Variants in ANKS1B observed in about 807,000 individuals in gnomAD.
The protein encoded by ANKS1B is ankyrin repeat and sterile alpha motif domain containing 1B, also known as ankyrin repeat and sterile alpha motif domain-containing protein 1B.
ANKS1B carries 36 observed loss-of-function variants against 148.3 expected under a neutral mutation model. The observed-to-expected ratio is 0.24, with a 90% CI of 0.19 to 0.32. ANKS1B has a LOEUF of 0.32. ANKS1B is among the 10% of genes least tolerant of loss of function. The pLI is 1.00. For missense variants in ANKS1B, 1,157 were observed against 1,542.6 expected, an observed-to-expected ratio of 0.75 and a Z score of 4.19; for synonymous variants, 542 against 560.8, an observed-to-expected ratio of 0.97 and a Z score of 0.47.
intron 10 of ANKS1B, among the ~76,000 whole-genome samples, chr12:99,466,056 A>G (rs2096105591): frequency 6.6e-6 from 1 of 152,214 alleles, no homozygotes; most frequent in Admixed American, 6.5e-5. Flanking sequence ...CTCCTCAGCA[A>G]ATGTAAAAAA....
At position 99,330,809 on chromosome 12, in the gene ANKS1B, C is replaced by G. The variant is rs974797732; in HGVS notation, c.1756+68822G>C. ...GCTCTAAACCCATCTAATGTGCTAG[C>G]TTATAACTAACAGAAAAATTGGGTC... On this transcript the variant is annotated intron_variant, in intron 12 of 26. Transcript: ENST00000683438. Among the ~76,000 whole-genome samples the G allele has an allele frequency of 1.2e-4, 18 of 152,004 alleles. 1 individual carries two copies. Among genetic ancestry groups the G allele is most frequent in the African/African-American group, 4.3e-4 (18 of 41,496 alleles).
intron 10 of ANKS1B, among the ~76,000 whole-genome samples, chr12:99,459,124 T>A (rs907482428): frequency 6.6e-6 from 1 of 152,110 alleles, no homozygotes; most frequent in African/African-American, 2.4e-5. Flanking sequence ...AATCAATAAA[T>A]GTGATACACC....
chr12:99,206,841 T>C (rs749096522), intron 14 of ANKS1B, among the ~76,000 whole-genome samples: 2 of 152,200 alleles, frequency 1.3e-5, no homozygotes, highest in Non-Finnish European at 2.9e-5. Flanking sequence ...AGCTGGCTAT[T>C]TGGAAACTTT....
At chr12:99,446,588 G>A (rs757967970) in intron 10 of ANKS1B, among the ~76,000 whole-genome samples, 7 of 152,152 alleles carry the variant, frequency 4.6e-5, no homozygotes, top group Non-Finnish European at 1.0e-4. Flanking sequence ...CTGATGCCAT[G>A]TTACCCTTCT....
intron 9 of ANKS1B, among the ~76,000 whole-genome samples, chr12:99,546,216 A>C (rs146892150): frequency 6.6e-6 from 1 of 152,176 alleles, no homozygotes; most frequent in Non-Finnish European, 1.5e-5. Flanking sequence ...AGAAATAGAC[A>C]ATAGAAATAA....
At chr12:99,120,072 C>G (rs190919733) in intron 15 of ANKS1B, among the ~76,000 whole-genome samples, 1 of 152,206 alleles carries the variant, frequency 6.6e-6, no homozygotes, top group African/African-American at 2.4e-5. Context: ...CTCAGGGCAC[C>G]AGGTGGGAAC....
chr12:99,675,886 T>A (rs1332967781), intron 8 of ANKS1B, among the ~76,000 whole-genome samples: 10 of 152,106 alleles, frequency 6.6e-5, no homozygotes, highest in Non-Finnish European at 1.5e-4. Flanking sequence ...TTCATGAAAA[T>A]TAAGAAATAA....
At chr12:99,303,517 C>A (rs2081953590) in intron 12 of ANKS1B, among the ~76,000 whole-genome samples, 1 of 151,816 alleles carries the variant, frequency 6.6e-6, no homozygotes, top group African/African-American at 2.4e-5. Context: ...TGTACACATC[C>A]TAGAGAGGTA....
At chr12:99,304,117 T>A (rs915498785) in intron 12 of ANKS1B, among the ~76,000 whole-genome samples, 4 of 152,158 alleles carry the variant, frequency 2.6e-5, no homozygotes, top group African/African-American at 9.7e-5. Flanking sequence ...TCTTTTTCAC[T>A]AGATAGATAC....
At chr12:98,836,360 A>G (rs1049595146) in intron 17 of ANKS1B, among the ~76,000 whole-genome samples, 2 of 152,194 alleles carry the variant, frequency 1.3e-5, no homozygotes, top group South Asian at 4.1e-4. Context: ...TGAAATACAC[A>G]TATAGACCAA....
intron 1 of ANKS1B, among the ~76,000 whole-genome samples, chr12:99,860,109 T>G (rs981954842): frequency 6.6e-6 from 1 of 152,104 alleles, no homozygotes; most frequent in Non-Finnish European, 1.5e-5. Flanking sequence ...TCTTTGAAGT[T>G]TAGGAGAGAG....
intron 11 of ANKS1B, among the ~76,000 whole-genome samples, chr12:99,412,903 T>A: frequency 6.6e-6 from 1 of 152,312 alleles, no homozygotes; most frequent in South Asian, 2.1e-4. Context: ...TTTCTTGATT[T>A]TTCAATAAAT....
intron 12 of ANKS1B, among the ~76,000 whole-genome samples, chr12:99,370,778 T>C (rs959822697): frequency 1.3e-5 from 2 of 152,158 alleles, no homozygotes; most frequent in Admixed American, 6.6e-5. Context: ...CTTTTAAAAA[T>C]GACCATAATT....
At chr12:99,089,345 TC>T (rs756809557) in intron 15 of ANKS1B, among the ~76,000 whole-genome samples, 2 of 151,724 alleles carry the variant, frequency 1.3e-5, no homozygotes, top group Admixed American at 6.6e-5. Flanking sequence ...AATAAGCTGT[TC>T]CCCCCCATCA....
At chr12:99,126,789 A>G (rs2153740644) in intron 15 of ANKS1B, among the ~76,000 whole-genome samples, 1 of 152,328 alleles carries the variant, frequency 6.6e-6, no homozygotes, top group East Asian at 1.9e-4. Flanking sequence ...TATTTCTAAA[A>G]ACAAAGAAGT....
intron 14 of ANKS1B, among the ~76,000 whole-genome samples, chr12:99,240,364 TA>T (rs1184611575): frequency 3.9e-5 from 6 of 152,206 alleles, no homozygotes; most frequent in African/African-American, 1.4e-4. Flanking sequence ...AAGAGCTAAC[TA>T]TCCTAAATAT....
chr12:99,393,096 T>TAGATA (rs1555414096), intron 12 of ANKS1B, among the ~76,000 whole-genome samples: 5 of 150,558 alleles, frequency 3.3e-5, no homozygotes, highest in African/African-American at 1.2e-4. Context: ...GATAGACAGA[T>TAGATA]GATAGATAGA....
At chr12:99,447,309 A>G (rs1338603011) in intron 10 of ANKS1B, among the ~76,000 whole-genome samples, 2 of 152,048 alleles carry the variant, frequency 1.3e-5, no homozygotes, top group Non-Finnish European at 2.9e-5. Context: ...ATATACAAAA[A>G]CTAACTCAAA....
chr12:99,058,533 G>A (rs1213062687), intron 16 of ANKS1B, among the ~76,000 whole-genome samples: 1 of 151,966 alleles, frequency 6.6e-6, no homozygotes, highest in Non-Finnish European at 1.5e-5. Context: ...ACAGGCACAA[G>A]CCACTGCCCC....
Sources: allele counts gnomAD v4.1 joint callset (sites outside exome capture counted in the v4.1 genomes callset), GRCh38; gene constraint gnomAD v4.1.1; transcripts MANE v1.5; gene names NCBI Gene and HGNC (gene_info 2026-07-23, HGNC 2026-07-21).